GLRA3: variants seen among roughly 807,000 people sequenced by gnomAD.
GLRA3 encodes the protein glycine receptor alpha 3, also known as glycine receptor subunit alpha-3.
A neutral mutation model predicts 60.4 loss-of-function variants in GLRA3; 44 were observed. That is an observed-to-expected ratio of 0.73 (90% CI 0.57 to 0.94). The LOEUF is 0.94. Ranked by LOEUF, GLRA3 falls within the 40% of genes least tolerant of loss-of-function variation. GLRA3 has a pLI of 0.00. For synonymous variants in GLRA3, 223 were observed against 192.9 expected (o/e 1.16, Z -1.29); for missense variants, 508 against 564.6 (o/e 0.90, Z 1.02).
chr4:174,828,776 C>A lies in GLRA3; in HGVS notation c.36G>T (p.Ser12=), dbSNP rs372986388. 2 of 1,612,522 alleles carry A rather than the reference C, an allele frequency of 1.2e-6. No individual in the cohort carries two copies. The highest frequency in any genetic ancestry group is 1.7e-6 in the Non-Finnish European group (2 of 1,178,552). ...AHVRHFRTLV[S]GFYFWEAALL... is the part of the protein sequence containing the mutation. ...GTGCTGCTTCCCAGAAGTAAAATCC[C>A]GAAACTAATGTCCGAAAGTGTCTCA... is the stretch of plus-strand genomic sequence containing the variant. Residue 12 remains serine (S), a synonymous_variant, in exon 1 of 10, where the codon TCG becomes TCT. Transcript: ENST00000274093.
chr4:174,700,975 CT>C (rs1472217013), intron 5 of GLRA3, among the ~76,000 whole-genome samples: 1 of 152,160 alleles, frequency 6.6e-6, no homozygotes, highest in Non-Finnish European at 1.5e-5. Context: ...GCAGAAAGTG[CT>C]GATGTAGAAG....
intron 2 of GLRA3, among the ~76,000 whole-genome samples, chr4:174,771,015 AG>A (rs1242992775): frequency 1.4e-5 from 2 of 145,428 alleles, no homozygotes; most frequent in Admixed American, 1.4e-4. Flanking sequence ...TCTCACTCAT[AG>A]GTGGGAACTG....
intron 5 of GLRA3, among the ~76,000 whole-genome samples, chr4:174,690,406 G>T (rs907170175): frequency 6.6e-6 from 1 of 152,090 alleles, no homozygotes; most frequent in African/African-American, 2.4e-5. Flanking sequence ...TTAGATGAAT[G>T]GTTCAAAACA....
At chr4:174,658,494 C>T (rs544904639) in intron 8 of GLRA3, among the ~76,000 whole-genome samples, 2 of 152,276 alleles carry the variant, frequency 1.3e-5, no homozygotes, top group Non-Finnish European at 2.9e-5. Flanking sequence ...GGTTTCATCA[C>T]TTATCAGATA....
chr4:174,740,062 G>A (rs1028345703), intron 3 of GLRA3, among the ~76,000 whole-genome samples: 9 of 152,100 alleles, frequency 5.9e-5, no homozygotes. Flanking sequence ...TCTTTTGATC[G>A]AGAGGAATCA....
intron 1 of GLRA3, among the ~76,000 whole-genome samples, chr4:174,797,335 A>G (rs72708263): frequency 0.26 from 39,252 of 151,898 alleles, 5,419 homozygotes; most frequent in Non-Finnish European, 0.3. Flanking sequence ...ACTTTTTCGA[A>G]TAGTCTTTTA....
chr4:174,695,539 C>G (rs1166648134), intron 5 of GLRA3, among the ~76,000 whole-genome samples: 1 of 151,976 alleles, frequency 6.6e-6, no homozygotes, highest in Non-Finnish European at 1.5e-5. Context: ...AATTCAACAC[C>G]CTTTCATGTT....
At chr4:174,676,821 G>A (rs1055513713) in intron 7 of GLRA3, among the ~76,000 whole-genome samples, 1 of 152,000 alleles carries the variant, frequency 6.6e-6, no homozygotes, top group African/African-American at 2.4e-5. Flanking sequence ...TAATTCCATA[G>A]TGTATAAGAG....
chr4:174,802,235 T>TC (rs1739840975), intron 1 of GLRA3, among the ~76,000 whole-genome samples: 1 of 151,980 alleles, frequency 6.6e-6, no homozygotes, highest in Admixed American at 6.6e-5. Flanking sequence ...GGCCCAATTT[T>TC]CCCATAGAGC....
intron 2 of GLRA3, among the ~76,000 whole-genome samples, chr4:174,775,093 A>ATCAACAT (rs1159434741): frequency 6.6e-6 from 1 of 152,218 alleles, no homozygotes; most frequent in Non-Finnish European, 1.5e-5. Context: ...ATCTAACCCC[A>ATCAACAT]TCAACATTTC....
At chr4:174,691,920 C>T (rs1328939488) in intron 5 of GLRA3, among the ~76,000 whole-genome samples, 1 of 151,702 alleles carries the variant, frequency 6.6e-6, no homozygotes, top group East Asian at 2.0e-4. Flanking sequence ...CTTCTCTGCC[C>T]GGCCGCCATC....
chr4:174,717,242 CAGGA>C (rs1237818088), intron 4 of GLRA3, among the ~76,000 whole-genome samples: 2 of 87,252 alleles, frequency 2.3e-5, no homozygotes, highest in African/African-American at 8.9e-5. Context: ...GGAAGGCATG[CAGGA>C]AGGAAGGGAG....
chr4:174,783,087 A>C (rs899637068), intron 2 of GLRA3, among the ~76,000 whole-genome samples: 9 of 152,234 alleles, frequency 5.9e-5, no homozygotes, highest in African/African-American at 2.2e-4. Flanking sequence ...GGCTACAGTA[A>C]ACAAAACAGC....
chr4:174,765,280 A>G (rs951664499), intron 3 of GLRA3, among the ~76,000 whole-genome samples: 17 of 152,044 alleles, frequency 1.1e-4, no homozygotes, highest in African/African-American at 4.1e-4. Context: ...TATGTCATAA[A>G]AAAGGCACTT....
rs112840167 is a variant in GLRA3 at position 174,643,717 on chromosome 4, C to T, written c.*69G>A. ...TTTGTATACCACACGCACACATATA[C>T]ACATACACACCTATGGCAGAGACAC... On this transcript the variant is annotated 3_prime_UTR_variant, in exon 10 of 10. Transcript: ENST00000274093. 438 of 1,556,042 alleles carry T rather than the reference C, an allele frequency of 2.8e-4. 3 individuals carry two copies. The African/African-American group carries it at 5.1e-3, about 18-fold the overall frequency.
chr4:174,713,681 T>A (rs949519314), intron 5 of GLRA3: 1 of 152,196 alleles, frequency 6.6e-6, no homozygotes, highest in Non-Finnish European at 1.5e-5. Context: ...TGATTTTAAT[T>A]TGCCATCTTT....
intron 1 of GLRA3, among the ~76,000 whole-genome samples, chr4:174,823,202 G>A (rs1047378916): frequency 6.6e-6 from 1 of 151,376 alleles, no homozygotes; most frequent in African/African-American, 2.4e-5. Context: ...AAAGCCACAG[G>A]CTGTACCATC....
At chr4:174,746,487 G>A (rs755234888) in intron 3 of GLRA3, among the ~76,000 whole-genome samples, 2 of 152,142 alleles carry the variant, frequency 1.3e-5, no homozygotes, top group Admixed American at 6.5e-5. Context: ...AGATACCAGG[G>A]ACTGGGGAGA....
chr4:174,745,247 C>G (rs1027644117), intron 3 of GLRA3, among the ~76,000 whole-genome samples: 7 of 152,120 alleles, frequency 4.6e-5, no homozygotes, highest in African/African-American at 7.2e-5. Flanking sequence ...TAGATGAATA[C>G]TTCCCAAGTC....
Sources: allele counts gnomAD v4.1 joint callset (sites outside exome capture counted in the v4.1 genomes callset), GRCh38; gene constraint gnomAD v4.1.1; transcripts MANE v1.5; gene names NCBI Gene and HGNC (gene_info 2026-07-23, HGNC 2026-07-21).